KHDRBS2: variants seen among roughly 807,000 people sequenced by gnomAD.
KHDRBS2 encodes the protein KH domain-containing, RNA-binding, signal transduction-associated protein 2.
Under a neutral mutation model 44.3 loss-of-function variants are expected in KHDRBS2, and 26 were observed. That is an observed-to-expected ratio of 0.59 (90% CI 0.43 to 0.81). The LOEUF (loss-of-function observed/expected upper bound fraction) is 0.81, where lower values mean the gene tolerates loss of function less well. KHDRBS2 is among the 40% of genes least tolerant of loss of function. The pLI, the probability that KHDRBS2 is intolerant of heterozygous loss-of-function variation, is 0.00. For synonymous variants in KHDRBS2, 194 were observed against 151.1 expected (o/e 1.28, Z -2.08); for missense variants, 476 against 433.1 (o/e 1.10, Z -0.88).
intron 6 of KHDRBS2, among the ~76,000 whole-genome samples, chr6:61,782,689 GTA>G (rs70993182): frequency 0.072 from 8,033 of 110,848 alleles, 732 homozygotes; most frequent in Non-Finnish European, 0.1. Flanking sequence ...TAAAGGTTGT[GTA>G]TATATATATA....
chr6:62,047,267 T>G lies in KHDRBS2; in HGVS notation c.336+611A>C, dbSNP rs549710787. Among the ~76,000 whole-genome samples the G allele has an allele frequency of 9.2e-5, 14 of 152,062 alleles. No individual in the cohort carries two copies. The South Asian group carries it at 2.9e-3, about 31-fold the overall frequency. On this transcript the variant is annotated intron_variant, in intron 3 of 8. Coordinates refer to ENST00000281156, the MANE Select transcript of KHDRBS2 (RefSeq NM_152688.4). Reference sequence around the variant, plus strand: ...CACTGAATTCTAACACTGAGAAAATTGCTAACACTTTATAAAATAAGAAAT... The same window carrying G: ...CACTGAATTCTAACACTGAGAAAATGGCTAACACTTTATAAAATAAGAAAT...
chr6:62,232,546 C>G (rs984952930), intron 1 of KHDRBS2, among the ~76,000 whole-genome samples: 3 of 152,010 alleles, frequency 2.0e-5, no homozygotes, highest in Admixed American at 6.6e-5. Flanking sequence ...AAACATACAC[C>G]TGAAATACAC....
Position 61,766,583 on chromosome 6 carries a change from G to C in KHDRBS2, c.811-33819C>G, listed in dbSNP as rs190034275. ...TTATTTGAAGTTTTTCTACTTTTTT[G>C]ATGTAGGCATATATAGCTATGAACT... On this transcript the variant is annotated intron_variant, in intron 6 of 8. Transcript: ENST00000281156. Among the ~76,000 whole-genome samples the C allele has an allele frequency of 1.7e-3, 260 of 151,860 alleles. 1 individual carries two copies. Among genetic ancestry groups the C allele is most frequent in the African/African-American group, 5.9e-3 (244 of 41,446 alleles).
At chr6:61,656,466 T>A in the KHDRBS2 span, among the ~76,000 whole-genome samples, 6 of 152,046 alleles carry the variant, frequency 3.9e-5, no homozygotes. Context: ...TCTTAAGCAG[T>A]GTCTTCTTTA....
At chr6:61,547,813 A>C in the KHDRBS2 span, among the ~76,000 whole-genome samples, 2 of 152,144 alleles carry the variant, frequency 1.3e-5, no homozygotes, top group African/African-American at 4.8e-5. Flanking sequence ...AAATTTGTTA[A>C]TACATTTTAT....
intron 2 of KHDRBS2, among the ~76,000 whole-genome samples, chr6:62,059,606 C>A (rs1791235733): frequency 1.3e-5 from 2 of 151,574 alleles, no homozygotes; most frequent in Admixed American, 1.3e-4. Context: ...TTACGGAATA[C>A]AGGAACAAAA....
intron 3 of KHDRBS2, among the ~76,000 whole-genome samples, chr6:61,998,904 T>A (rs1173871791): frequency 6.6e-6 from 1 of 152,078 alleles, no homozygotes; most frequent in Non-Finnish European, 1.5e-5. Flanking sequence ...AACATATACA[T>A]ATCACACATA....
chr6:61,674,231 A>G, the KHDRBS2 span, among the ~76,000 whole-genome samples: 1 of 146,878 alleles, frequency 6.8e-6, no homozygotes, highest in South Asian at 2.1e-4. Context: ...AAGTAAAATG[A>G]CTGACTTCAA....
chr6:61,888,919 T>A (rs1425319326), intron 6 of KHDRBS2, among the ~76,000 whole-genome samples: 3 of 152,088 alleles, frequency 2.0e-5, no homozygotes, highest in Non-Finnish European at 4.4e-5. Flanking sequence ...CAGGATTTTA[T>A]GAACCTATAT....
chr6:62,171,418 C>T (rs932093043), intron 2 of KHDRBS2, among the ~76,000 whole-genome samples: 18 of 152,130 alleles, frequency 1.2e-4, no homozygotes, highest in African/African-American at 4.3e-4. Context: ...AACAAAACCT[C>T]TTATAATATG....
intron 2 of KHDRBS2, among the ~76,000 whole-genome samples, chr6:62,062,004 AGCCTTGGTTTTCAGC>A (rs1168378288): frequency 9.9e-5 from 15 of 151,752 alleles, no homozygotes; most frequent in African/African-American, 3.6e-4. Flanking sequence ...GTAGTTCTCG[AGCCTTGGTTTTCAGC>A]TCCATCAAAG....
chr6:62,000,723 G>T (rs553264923), intron 3 of KHDRBS2, among the ~76,000 whole-genome samples: 8 of 152,242 alleles, frequency 5.3e-5, no homozygotes, highest in African/African-American at 1.9e-4. Context: ...CAGGAAGGTA[G>T]AGCACTTCAG....
At chr6:62,161,652 G>A (rs1222844819) in intron 2 of KHDRBS2, among the ~76,000 whole-genome samples, 1 of 144,790 alleles carries the variant, frequency 6.9e-6, no homozygotes, top group East Asian at 2.1e-4. Flanking sequence ...ATTTACTTCT[G>A]TCATTTTGCT....
chr6:61,831,392 T>C (rs1291734517), intron 6 of KHDRBS2, among the ~76,000 whole-genome samples: 1 of 152,056 alleles, frequency 6.6e-6, no homozygotes, highest in African/African-American at 2.4e-5. Flanking sequence ...TAGCATTAAG[T>C]TTATAATGTA....
At chr6:62,220,064 A>G (rs1830648328) in intron 1 of KHDRBS2, among the ~76,000 whole-genome samples, 1 of 151,454 alleles carries the variant, frequency 6.6e-6, no homozygotes, top group Non-Finnish European at 1.5e-5. Context: ...AGAAATTTCT[A>G]GGGAGGAGCA....
intron 3 of KHDRBS2, among the ~76,000 whole-genome samples, chr6:62,030,301 C>T (rs1319807588): frequency 2.0e-5 from 3 of 151,984 alleles, no homozygotes; most frequent in Non-Finnish European, 2.9e-5. Flanking sequence ...AAAGTATCAG[C>T]CCTAGAGGGT....
At chr6:62,067,868 T>C in intron 2 of KHDRBS2, among the ~76,000 whole-genome samples, 1 of 151,642 alleles carries the variant, frequency 6.6e-6, no homozygotes, top group East Asian at 2.0e-4. Flanking sequence ...TACTGTCTTT[T>C]AGGTTCATAC....
intron 2 of KHDRBS2, among the ~76,000 whole-genome samples, chr6:62,103,734 C>T (rs1016537875): frequency 4.6e-5 from 7 of 152,282 alleles, no homozygotes; most frequent in Admixed American, 1.3e-4. Flanking sequence ...CTACAGCTGG[C>T]GACCTTGCAG....
At chr6:61,575,295 T>G in the KHDRBS2 span, among the ~76,000 whole-genome samples, 1 of 151,962 alleles carries the variant, frequency 6.6e-6, no homozygotes, top group Non-Finnish European at 1.5e-5. Context: ...CATCAAAAAG[T>G]GGGCAAAGGA....
Sources: allele counts gnomAD v4.1 joint callset (sites outside exome capture counted in the v4.1 genomes callset), GRCh38; gene constraint gnomAD v4.1.1; transcripts MANE v1.5; gene names NCBI Gene and HGNC (gene_info 2026-07-23, HGNC 2026-07-21).